Variants in ZMPSTE24 observed in about 807,000 individuals in gnomAD.
The protein encoded by ZMPSTE24 is zinc metallopeptidase STE24, also known as CAAX prenyl protease 1 homolog.
In ZMPSTE24, 48 loss-of-function variants were observed where a neutral mutation model predicts 56.7. The ratio of observed to expected loss-of-function variants is 0.85; its 90% CI spans 0.67 to 1.08. ZMPSTE24 has a LOEUF of 1.08. Among genes scored for constraint, ZMPSTE24 ranks in the 50% least tolerant of loss-of-function variants. The pLI, the probability that ZMPSTE24 is intolerant of heterozygous loss-of-function variation, is 0.00. For missense variants in ZMPSTE24, 503 were observed against 548.7 expected (o/e 0.92, Z 0.83); for synonymous variants, 172 against 195.2 (o/e 0.88, Z 0.99).
At chr1:40,267,734 T>C in intron 2 of ZMPSTE24, 52 bp from the exon 3 acceptor site, 3 of 1,323,680 alleles carry the variant, frequency 2.3e-6, no homozygotes, top group Non-Finnish European at 3.3e-6. Context: ...CTTTCTCATA[T>C]GATAGTTTCT....
At chr1:40,289,204 C>T (rs1471357249) in intron 8 of ZMPSTE24, among the ~76,000 whole-genome samples, 8 of 152,314 alleles carry the variant, frequency 5.3e-5, no homozygotes, top group Admixed American at 4.6e-4. Context: ...TCATAACTTG[C>T]TTCATTTCCA....
intron 4 of ZMPSTE24, among the ~76,000 whole-genome samples, chr1:40,269,283 T>G (rs1643589189): frequency 1.3e-5 from 2 of 151,738 alleles, no homozygotes; most frequent in African/African-American, 4.8e-5. Context: ...AAGTCCCAGC[T>G]ACTTGGGAGG....
intron 6 of ZMPSTE24, among the ~76,000 whole-genome samples, chr1:40,281,009 C>A (rs991071340): frequency 1.8e-4 from 27 of 152,034 alleles, no homozygotes; most frequent in African/African-American, 6.3e-4. Context: ...TATTGGTGAG[C>A]TTTTTCTTGT....
rs1188453377 is a variant in ZMPSTE24, at chr1:40,258,264, G to A, written c.-8G>A. 2 of 1,613,420 alleles carry A rather than the reference G, an allele frequency of 1.2e-6. No homozygotes were observed. Among genetic ancestry groups the A allele is most frequent in the Non-Finnish European group, 1.7e-6 (2 of 1,179,942 alleles). ...GCACGCTGAAGGAGCCGGCGGAACC[G>A]GGTGGCCATGGGGATGTGGGCATCG... On this transcript the variant is annotated 5_prime_UTR_variant, in exon 1 of 10. Coordinates refer to ENST00000372759, the MANE Select transcript of ZMPSTE24 (RefSeq NM_005857.5).
intron 8 of ZMPSTE24, among the ~76,000 whole-genome samples, chr1:40,290,492 AC>A (rs1466121399): frequency 4.2e-5 from 3 of 70,630 alleles, no homozygotes; most frequent in African/African-American, 5.9e-5. Flanking sequence ...ATGGAGTCTC[AC>A]TCTGTTGCCC....
rs183692570 is a variant in ZMPSTE24, at chr1:40,283,773, A to G, written c.955-2152A>G. Among the ~76,000 whole-genome samples, 717 of 151,996 alleles carry G rather than the reference A, an allele frequency of 4.7e-3. 5 individuals carry two copies. The highest frequency in any genetic ancestry group is 0.016 in the African/African-American group (668 of 41,462). On this transcript the variant is annotated intron_variant, in intron 7 of 9. Transcript: ENST00000372759. ...TATTTTGTTGATTTTTCTCCTCTCC[A>G]TTTTTTAAATTCTGTGTTTTCAGGG...
chr1:40,259,785 A>AT (rs1400531925), intron 1 of ZMPSTE24, among the ~76,000 whole-genome samples: 2 of 151,810 alleles, frequency 1.3e-5, no homozygotes, highest in Non-Finnish European at 2.9e-5. Context: ...TAATTGTTTG[A>AT]TTTTTTTGTA....
At position 40,286,137 on chromosome 1, in the gene ZMPSTE24, C is replaced by A. The variant is rs1643785165; in HGVS notation, c.1059+108C>A. ...GGCCAAGGCAGACACCACAGCCAGG[C>A]TACCTGGTTTCCTATCACAGCTCCC... On this transcript the variant is annotated intron_variant, in intron 8 of 9. Coordinates refer to ENST00000372759, the MANE Select transcript of ZMPSTE24 (RefSeq NM_005857.5). 4 of 977,100 alleles carry A rather than the reference C, an allele frequency of 4.1e-6. No homozygotes were observed. The South Asian group carries it at 5.6e-5, about 14-fold the overall frequency. The allele number at this position is 977,100 out of a possible 1,614,324, so 60.5% of individuals were successfully genotyped here.
At chr1:40,279,405 A>T (rs959300821) in intron 6 of ZMPSTE24, among the ~76,000 whole-genome samples, 1 of 152,222 alleles carries the variant, frequency 6.6e-6, no homozygotes, top group Non-Finnish European at 1.5e-5. Flanking sequence ...GCTCAAACAC[A>T]TCTTTATTAA....
At chr1:40,281,222 T>C in intron 6 of ZMPSTE24, 121 bp from the exon 7 acceptor site, 1 of 1,008,046 alleles carries the variant, frequency 9.9e-7, no homozygotes, top group Non-Finnish European at 1.5e-6. Context: ...TGATTTTTCT[T>C]CACATATTAA....
At chr1:40,261,805 G>C (rs922054282) in intron 2 of ZMPSTE24, among the ~76,000 whole-genome samples, 6 of 152,170 alleles carry the variant, frequency 3.9e-5, no homozygotes, top group Non-Finnish European at 7.3e-5. Context: ...CACCTCCCGG[G>C]TTCAAGCGAT....
rs367903932 is a variant in ZMPSTE24 at position 40,281,615 on chromosome 1, G to A, written c.954+88G>A. 9.8e-5 allele frequency: 135 copies of A among 1,379,576 alleles called. No homozygotes were observed. The South Asian group carries it at 1.6e-3, about 17-fold the overall frequency. 85.5% of individuals were successfully genotyped at this position (1,379,576 alleles called of 1,614,324 possible). ...AAAATAACATCAATTTCTAGGCAGT[G>A]AGTGTTGAATTCAGGGAGACTATCA... On this transcript the variant is annotated intron_variant, in intron 7 of 9. Transcript: ENST00000372759.
intron 8 of ZMPSTE24, among the ~76,000 whole-genome samples, chr1:40,289,707 C>A (rs527739583): frequency 6.6e-6 from 1 of 152,342 alleles, no homozygotes; most frequent in Non-Finnish European, 1.5e-5. Context: ...TCCAACCTTA[C>A]TCCAAGAGGT....
At chr1:40,286,896 T>A (rs34530773) in intron 8 of ZMPSTE24, among the ~76,000 whole-genome samples, 2,507 of 150,170 alleles carry the variant, frequency 0.017, 80 homozygotes, top group African/African-American at 0.059. Context: ...CTTGACTAAT[T>A]TTTTTTTGTA....
intron 2 of ZMPSTE24, chr1:40,262,841 G>A: frequency 8.7e-7 from 1 of 1,153,248 alleles, no homozygotes; most frequent in South Asian, 1.7e-5. Context: ...CAGTTCCAGA[G>A]AATTGTTGAA....
intron 8 of ZMPSTE24, among the ~76,000 whole-genome samples, 190 bp downstream of exon 8, chr1:40,286,219 C>T (rs771378686): frequency 1.6e-4 from 25 of 152,114 alleles, no homozygotes; most frequent in Non-Finnish European, 2.4e-4. Flanking sequence ...TCTGTCCCCT[C>T]ATTGAATGAT....
intron 6 of ZMPSTE24, among the ~76,000 whole-genome samples, chr1:40,277,066 A>G (rs1643677794): frequency 6.6e-6 from 1 of 151,414 alleles, no homozygotes; most frequent in Non-Finnish European, 1.5e-5. Flanking sequence ...TAAAAAGCTT[A>G]CAGTACAGTA....
chr1:40,288,874 C>T (rs1223078585), intron 8 of ZMPSTE24, among the ~76,000 whole-genome samples: 4 of 151,962 alleles, frequency 2.6e-5, no homozygotes, highest in Non-Finnish European at 5.9e-5. Flanking sequence ...GGATATATAT[C>T]CTTGCCTCAG....
chr1:40,261,894 A>G (rs1643501536), intron 2 of ZMPSTE24, among the ~76,000 whole-genome samples: 1 of 152,286 alleles, frequency 6.6e-6, no homozygotes, highest in South Asian at 2.1e-4. Flanking sequence ...TATTTTTAGT[A>G]GAGACGGGGT....
Sources: allele counts gnomAD v4.1 joint callset (sites outside exome capture counted in the v4.1 genomes callset), GRCh38; gene constraint gnomAD v4.1.1; transcripts MANE v1.5; gene names NCBI Gene and HGNC (gene_info 2026-07-23, HGNC 2026-07-21).